SVIL: variants seen among roughly 807,000 people sequenced by gnomAD.
SVIL encodes archvillin.
In SVIL, 101 loss-of-function variants were observed where a neutral mutation model predicts 240.4. That is an observed-to-expected ratio of 0.42 (90% confidence interval 0.36 to 0.50). SVIL has a LOEUF of 0.50. SVIL is among the 20% of genes least tolerant of loss of function. The pLI is 0.01. For missense variants in SVIL, 2,512 were observed against 2,818.7 expected (o/e 0.89, Z 2.46); for synonymous variants, 999 against 1,100.0 (o/e 0.91, Z 1.82).
chr10:29,546,109 C>T (rs1258707370), intron 6 of SVIL, among the ~76,000 whole-genome samples: 6 of 152,048 alleles, frequency 3.9e-5, no homozygotes, highest in African/African-American at 9.7e-5. Context: ...GCTTTGGATT[C>T]GGAATTTCTA....
At chr10:29,612,014 G>A (rs886364239) in intron 1 of SVIL, among the ~76,000 whole-genome samples, 6 of 152,128 alleles carry the variant, frequency 3.9e-5, no homozygotes, top group East Asian at 1.9e-4. Context: ...ATGCTGGCTC[G>A]TTTTTCTCCA....
At chr10:29,602,479 G>A in intron 1 of SVIL, 1 of 248,972 alleles carries the variant, frequency 4.0e-6, no homozygotes, top group Non-Finnish European at 8.3e-6. Flanking sequence ...CAGGTGAAGT[G>A]TTCACTGCCA....
intron 1 of SVIL, among the ~76,000 whole-genome samples, chr10:29,606,207 C>A (rs547542317): frequency 6.6e-6 from 1 of 151,972 alleles, no homozygotes; most frequent in South Asian, 2.1e-4. Flanking sequence ...CAGCTCCCGG[C>A]CTATTTTTAA....
intron 1 of SVIL, among the ~76,000 whole-genome samples, chr10:29,596,594 C>T (rs996710705): frequency 2.0e-5 from 3 of 152,182 alleles, no homozygotes; most frequent in Non-Finnish European, 4.4e-5. Flanking sequence ...GATGATGCCA[C>T]AACTCAGGGA....
rs1405713830 is a variant in SVIL at position 29,484,765 on chromosome 10, G to A, written c.4846C>T (p.Arg1616Ter). Residue 1616 changes from arginine (R) to a stop codon, truncating the protein, a stop_gained, in exon 27 of 38, where the codon CGA becomes TGA. Coordinates refer to ENST00000355867, the MANE Select transcript of SVIL (RefSeq NM_021738.3). LOFTEE classifies it high-confidence loss of function. This position sits in a 1 kb window ranked among gnomAD's most constrained non-coding sequence, Gnocchi z 4.7. Reference sequence around the variant, plus strand: ...TTTGCCAGCTGAAATGCTATTTTTCGTTGTGCTAATGTGACTTCTTTCCCA... The same window carrying A: ...TTTGCCAGCTGAAATGCTATTTTTCATTGTGCTAATGTGACTTCTTTCCCA... ...WHGKEVTLAQ[R>*]KIAFQLAKHL... 5.6e-6 allele frequency: 9 copies of A among 1,613,680 alleles called. No homozygotes were observed. The highest frequency in any genetic ancestry group is 6.8e-6 in the Non-Finnish European group (8 of 1,179,890).
chr10:29,565,794 G>A (rs1160154804), intron 2 of SVIL, among the ~76,000 whole-genome samples: 1 of 152,134 alleles, frequency 6.6e-6, no homozygotes, highest in Non-Finnish European at 1.5e-5. Flanking sequence ...TCAGGAGGCT[G>A]AGGTGGCAGG....
At chr10:29,615,310 A>G (rs1957391236) in intron 1 of SVIL, among the ~76,000 whole-genome samples, 1 of 152,190 alleles carries the variant, frequency 6.6e-6, no homozygotes. Flanking sequence ...AAATGATCCT[A>G]CTTCTCCCAG....
chr10:29,474,102 A>T, intron 29 of SVIL, 113 bp from the exon 30 acceptor site: 1 of 1,422,312 alleles, frequency 7.0e-7, no homozygotes, highest in African/African-American at 1.4e-5. Flanking sequence ...AGAGCCTCGG[A>T]CCTAGGGCAG....
intron 22 of SVIL, 82 bp downstream of exon 22, chr10:29,490,765 A>C (rs1364007911): frequency 1.3e-6 from 2 of 1,560,524 alleles, no homozygotes; most frequent in African/African-American, 1.4e-5. Flanking sequence ...GGCCTTCACA[A>C]GGCAGAAAAC....
chr10:29,588,370 G>A (rs1361903093), intron 1 of SVIL, among the ~76,000 whole-genome samples: 3 of 151,734 alleles, frequency 2.0e-5, no homozygotes, highest in Non-Finnish European at 2.9e-5. Flanking sequence ...CCTTTGTGCC[G>A]GTGTCCAGTG....
chr10:29,702,030 C>T (rs1291312376), intron 1 of SVIL, among the ~76,000 whole-genome samples: 1 of 151,822 alleles, frequency 6.6e-6, no homozygotes, highest in African/African-American at 2.4e-5. Flanking sequence ...CAAAAATTAG[C>T]CGGGCGTGGT....
intron 1 of SVIL, among the ~76,000 whole-genome samples, chr10:29,698,932 G>A (rs533601895): frequency 1.1e-4 from 17 of 152,250 alleles, no homozygotes; most frequent in Non-Finnish European, 2.4e-4. Context: ...GACTACACCT[G>A]TTTCCAGCAA....
In SVIL at chr10:29,518,620, C is replaced by T. The variant is rs1183680753; in HGVS notation, c.3389+3790G>A. On this transcript the variant is annotated intron_variant, in intron 16 of 37. Transcript: ENST00000355867. ...CCTGTAATCCCAACACTTTGGGAGG[C>T]TGAGGCAGGCAGATCACCTGAGGTC... is the stretch of plus-strand genomic sequence containing the variant. Among the ~76,000 whole-genome samples the T allele has an allele frequency of 3.9e-5, 6 of 152,182 alleles. 1 individual carries two copies. The highest frequency in any genetic ancestry group is 8.8e-5 in the Non-Finnish European group (6 of 68,032).
intron 2 of SVIL, among the ~76,000 whole-genome samples, chr10:29,677,340 C>T (rs1386058219): frequency 6.6e-6 from 1 of 152,160 alleles, no homozygotes; most frequent in Non-Finnish European, 1.5e-5. Context: ...GCGATATCCC[C>T]AAACCAAAGA....
intron 2 of SVIL, among the ~76,000 whole-genome samples, chr10:29,665,227 CAAAAAAAAAAAA>C (rs58164251): frequency 2.4e-4 from 16 of 67,408 alleles, no homozygotes; most frequent in Non-Finnish European, 3.8e-4. Context: ...GATCTTGTCT[CAAAAAAAAAAAA>C]AAAAAAAAAA....
At chr10:29,675,951 G>A (rs1357982103) in intron 2 of SVIL, among the ~76,000 whole-genome samples, 6 of 152,084 alleles carry the variant, frequency 3.9e-5, no homozygotes, top group Non-Finnish European at 1.5e-5. Flanking sequence ...CCAACCATCA[G>A]TCCTCTGAGA....
At chr10:29,584,183 C>CA (rs1455989044) in intron 1 of SVIL, among the ~76,000 whole-genome samples, 3 of 152,170 alleles carry the variant, frequency 2.0e-5, no homozygotes, top group African/African-American at 7.2e-5. Context: ...GAAGAGCGGA[C>CA]AGTGTGGGAG....
At position 29,523,605 on chromosome 10, in the gene SVIL, C is replaced by A; in HGVS notation, c.3009G>T (p.Arg1003=). The A allele has an allele frequency of 6.2e-7, 1 of 1,614,154 alleles. No homozygotes were observed. Among genetic ancestry groups the A allele is most frequent in the Non-Finnish European group, 8.5e-7 (1 of 1,180,022 alleles). The part of the protein sequence containing the change: ...YAVPRRGSLE[R]ANPPITHLGD... ...CGAGGTGGGTGATGGGAGGGTTCGCCCGTTCCAGGCTTCCTCTTCTGGGAA... is the reference window on the plus strand; with the variant it reads ...CGAGGTGGGTGATGGGAGGGTTCGCACGTTCCAGGCTTCCTCTTCTGGGAA... The change falls in exon 15 of 38, where the codon CGG becomes CGT. Residue 1003 remains arginine (R), a synonymous_variant. Transcript: ENST00000355867.
At chr10:29,663,720 G>A (rs1959184034) in intron 2 of SVIL, among the ~76,000 whole-genome samples, 1 of 152,158 alleles carries the variant, frequency 6.6e-6, no homozygotes, top group Non-Finnish European at 1.5e-5. Context: ...TTATCAGCGG[G>A]ACTCTTCTCC....
Sources: gnomAD v4.1 joint callset for allele counts (sites outside exome capture counted in the v4.1 genomes callset) on GRCh38, gnomAD v4.1.1 for gene constraint, Gnocchi (gnomAD v3.1) non-coding constraint, MANE v1.5 for transcripts, NCBI Gene and HGNC (gene_info 2026-07-23, HGNC 2026-07-21) for gene names.